The following DLGAP2 variants were observed in gnomAD, a reference collection of about 807,000 sequenced individuals.
The protein encoded by DLGAP2 is disks large-associated protein 2.
In DLGAP2, 26 loss-of-function variants were observed where a neutral mutation model predicts 100.3. The ratio of observed to expected loss-of-function variants is 0.26; its 90% CI spans 0.19 to 0.36. DLGAP2 has a LOEUF of 0.36. DLGAP2 is among the 10% of genes least tolerant of loss of function. The pLI is 1.00. For missense variants in DLGAP2, 1,858 were observed against 1,453.2 expected, an observed-to-expected ratio of 1.28 and a Z score of -4.53; for synonymous variants, 886 against 630.1, an observed-to-expected ratio of 1.41 and a Z score of -6.08.
Position 1,701,477 on chromosome 8 carries a change from G to T in DLGAP2, c.*71G>T. The T allele has an allele frequency of 2.1e-6, 3 of 1,453,660 alleles. No individual in the cohort carries two copies. In the South Asian group the frequency reaches 3.8e-5, roughly 19 times the overall value. The allele number at this position is 1,453,660 out of a possible 1,614,324, so 90.0% of individuals were successfully genotyped here. A position where few individuals can be genotyped will look rare whatever the true frequency, so the allele number is the denominator to read the frequency against. On this transcript the variant is annotated 3_prime_UTR_variant, in exon 15 of 15. Transcript: ENST00000637795. ...CGCTTGTGCAGCGCGGCGCCGCCCT[G>T]GTGGTTTCTGTCTCCTCCTCCCGCT...
intron 3 of DLGAP2, among the ~76,000 whole-genome samples, chr8:1,415,781 T>G (rs955508060): frequency 6.6e-6 from 1 of 152,238 alleles, no homozygotes; most frequent in Non-Finnish European, 1.5e-5. Flanking sequence ...GCAGTGAACA[T>G]ACATGTGTCA....
chr8:872,276 T>A (rs566988489), intron 1 of DLGAP2, among the ~76,000 whole-genome samples: 2 of 151,954 alleles, frequency 1.3e-5, no homozygotes, highest in Non-Finnish European at 2.9e-5. Context: ...GCTGCACTTA[T>A]ATTTAATGAC....
rs1799624202 is a variant in DLGAP2, at chr8:1,703,318, G to A, written c.*1912G>A. The A allele has an allele frequency of 2.0e-5, 3 of 151,796 alleles. No individual in the cohort carries two copies. Among genetic ancestry groups the A allele is most frequent in the African/African-American group, 4.9e-5 (2 of 41,082 alleles). The allele number at this position is 151,796 out of a possible 1,614,324, so 9.4% of individuals were successfully genotyped here. On this transcript the variant is annotated 3_prime_UTR_variant, in exon 15 of 15. Coordinates refer to ENST00000637795, the MANE Select transcript of DLGAP2 (RefSeq NM_001346810.2). ...AAAATGCAAAAAAAAAAAAATCCCTGAAATATTCTTCTATAAATGAATCCT... is the reference window on the plus strand; with the variant it reads ...AAAATGCAAAAAAAAAAAAATCCCTAAAATATTCTTCTATAAATGAATCCT...
At chr8:1,476,836 G>T (rs557716999) in intron 3 of DLGAP2, among the ~76,000 whole-genome samples, 1 of 142,012 alleles carries the variant, frequency 7.0e-6, no homozygotes, top group African/African-American at 2.7e-5. Flanking sequence ...CCACCCACCA[G>T]CCCCTTCTGC....
chr8:1,424,838 C>T (rs1403278230), intron 3 of DLGAP2, among the ~76,000 whole-genome samples: 1 of 152,174 alleles, frequency 6.6e-6, no homozygotes, highest in Non-Finnish European at 1.5e-5. Context: ...GAGTTGGATA[C>T]ACAGACAGGT....
intron 1 of DLGAP2, among the ~76,000 whole-genome samples, chr8:799,524 A>T (rs1464430665): frequency 6.6e-6 from 1 of 152,178 alleles, no homozygotes; most frequent in African/African-American, 2.4e-5. Flanking sequence ...TGTGTACCTA[A>T]CAGCGTCCAC....
intron 2 of DLGAP2, among the ~76,000 whole-genome samples, chr8:928,319 GGGATTAC>G (rs1297460032): frequency 1.3e-5 from 2 of 152,120 alleles, no homozygotes; most frequent in African/African-American, 4.8e-5. Flanking sequence ...ATCCTGGACA[GGGATTAC>G]GGAGGTCGAG....
intron 8 of DLGAP2, among the ~76,000 whole-genome samples, chr8:1,655,709 AG>A (rs1166336742): frequency 6.6e-6 from 1 of 152,226 alleles, no homozygotes; most frequent in Non-Finnish European, 1.5e-5. Flanking sequence ...GCTTCTTTCC[AG>A]TAAAATGCTT....
chr8:1,270,221 A>G (rs1335047090), intron 3 of DLGAP2, among the ~76,000 whole-genome samples: 1 of 152,172 alleles, frequency 6.6e-6, no homozygotes, highest in Admixed American at 6.5e-5. Flanking sequence ...GGGATTGAGA[A>G]TATGAGAGCT....
intron 2 of DLGAP2, among the ~76,000 whole-genome samples, chr8:1,208,318 G>A (rs1345624514): frequency 6.6e-6 from 1 of 152,074 alleles, no homozygotes; most frequent in Non-Finnish European, 1.5e-5. Flanking sequence ...GTTGAATAGG[G>A]TGTCCTTTCC....
chr8:1,492,741 A>G (rs1334089972), intron 3 of DLGAP2, among the ~76,000 whole-genome samples: 1 of 152,150 alleles, frequency 6.6e-6, no homozygotes, highest in Non-Finnish European at 1.5e-5. Context: ...CCCCGGCTCC[A>G]TGCTCATGGC....
At chr8:1,091,566 C>T (rs899951848) in intron 2 of DLGAP2, among the ~76,000 whole-genome samples, 1 of 152,244 alleles carries the variant, frequency 6.6e-6, no homozygotes, top group Non-Finnish European at 1.5e-5. Flanking sequence ...TAGTGCTTTT[C>T]AGCCAAGAGC....
chr8:774,722 A>T (rs1310411958), intron 1 of DLGAP2, among the ~76,000 whole-genome samples: 2 of 151,234 alleles, frequency 1.3e-5, no homozygotes, highest in Admixed American at 6.6e-5. Flanking sequence ...CTGTTTTGGT[A>T]GCAGTACCAT....
At position 1,703,141 on chromosome 8, in the gene DLGAP2, G is replaced by T. The variant is rs570606509; in HGVS notation, c.*1735G>T. 1 of 152,718 alleles carries T rather than the reference G, an allele frequency of 6.5e-6. No individual in the cohort carries two copies. The highest frequency in any genetic ancestry group is 2.1e-4 in the South Asian group (1 of 4,830). 9.5% of individuals were successfully genotyped at this position (152,718 alleles called of 1,614,324 possible). A position where few individuals can be genotyped will look rare whatever the true frequency, so the allele number is the denominator to read the frequency against. On this transcript the variant is annotated 3_prime_UTR_variant, in exon 15 of 15. Transcript: ENST00000637795. ...CAGAGCTGATATTAAAGCATGTTTA[G>T]CTTCGAAGTTTTACTTTTTTAAAGC... is the stretch of plus-strand genomic sequence containing the variant.
intron 14 of DLGAP2, among the ~76,000 whole-genome samples, chr8:1,700,370 C>A (rs1251241775): frequency 6.6e-6 from 1 of 151,568 alleles, no homozygotes; most frequent in South Asian, 2.1e-4. Context: ...ATGGCTCTGT[C>A]CAGAAGGGGA....
chr8:996,163 G>C (rs1404231517), intron 2 of DLGAP2, among the ~76,000 whole-genome samples: 1 of 152,186 alleles, frequency 6.6e-6, no homozygotes, highest in African/African-American at 2.4e-5. Context: ...CTCCAGAGCT[G>C]AGAGAGGACT....
intron 5 of DLGAP2, among the ~76,000 whole-genome samples, chr8:1,556,999 C>T (rs747460803): frequency 2.0e-5 from 3 of 151,344 alleles, no homozygotes; most frequent in Admixed American, 6.6e-5. Flanking sequence ...GGATGTTGAG[C>T]ACAGCCATGC....
chr8:1,153,180 G>C (rs373759179), intron 2 of DLGAP2, among the ~76,000 whole-genome samples: 5 of 152,032 alleles, frequency 3.3e-5, no homozygotes, highest in African/African-American at 9.7e-5. Context: ...TCCAGGCTCC[G>C]AGCGGTGTGG....
chr8:781,053 G>T (rs868219227), intron 1 of DLGAP2, among the ~76,000 whole-genome samples: 1 of 152,172 alleles, frequency 6.6e-6, no homozygotes, highest in Non-Finnish European at 1.5e-5. Context: ...TTTCAGCCCA[G>T]GCATGAAAAT....
Sources: gnomAD v4.1 joint callset for allele counts (sites outside exome capture counted in the v4.1 genomes callset) on GRCh38, gnomAD v4.1.1 for gene constraint, MANE v1.5 for transcripts, NCBI Gene and HGNC (gene_info 2026-07-23, HGNC 2026-07-21) for gene names.